The following RHOU variants were observed in gnomAD, a reference collection of about 807,000 sequenced individuals.
RHOU encodes rho-related GTP-binding protein RhoU.
Under a neutral mutation model 12.6 loss-of-function variants are expected in RHOU, and 8 were observed. The observed-to-expected ratio is 0.64, with a 90% CI of 0.37 to 1.15. The LOEUF is 1.15. Among genes scored for constraint, RHOU ranks in the 50% most tolerant of loss-of-function variants. The probability of loss-of-function intolerance (pLI) is 0.01; values close to 1 mark genes in which losing one functional copy is unlikely to be tolerated. For missense variants in RHOU, 258 were observed against 347.0 expected (o/e 0.74, Z 2.04); for synonymous variants, 161 against 147.4 (o/e 1.09, Z -0.67).
the RHOU span, among the ~76,000 whole-genome samples, chr1:228,707,237 A>ATATATATATACATATATATATACATATG: frequency 3.3e-4 from 12 of 36,472 alleles, no homozygotes; most frequent in Admixed American, 1.5e-3. Context: ...ATACATATGT[A>ATATATATATACATATATATATACATATG]TATATATATA....
the RHOU span, among the ~76,000 whole-genome samples, chr1:228,715,285 T>A: frequency 6.6e-6 from 1 of 152,156 alleles, no homozygotes; most frequent in African/African-American, 2.4e-5. Context: ...ATATTTCAAA[T>A]ATCTCATATA....
At chr1:228,736,260 C>CAAAAAAAA (rs1204392489) in intron 1 of RHOU, among the ~76,000 whole-genome samples, 1 of 70,894 alleles carries the variant, frequency 1.4e-5, no homozygotes, top group Admixed American at 1.6e-4. Context: ...AGAGCCTTGC[C>CAAAAAAAA]AAAAAAAAAA....
chr1:228,717,138 T>C, the RHOU span, among the ~76,000 whole-genome samples: 1 of 152,300 alleles, frequency 6.6e-6, no homozygotes, highest in African/African-American at 2.4e-5. Flanking sequence ...TTCGGGCCAC[T>C]GAAACAAAAG....
At chr1:228,691,984 G>A in the RHOU span, among the ~76,000 whole-genome samples, 1 of 152,178 alleles carries the variant, frequency 6.6e-6, no homozygotes, top group Non-Finnish European at 1.5e-5. Flanking sequence ...CAGACTAAAT[G>A]CAATCATGAA....
chr1:228,712,536 C>A, the RHOU span, among the ~76,000 whole-genome samples: 1 of 151,542 alleles, frequency 6.6e-6, no homozygotes, highest in Non-Finnish European at 1.5e-5. Context: ...TGGAAATCAT[C>A]ATTCTCAGTA....
At chr1:228,665,453 A>T in the RHOU span, among the ~76,000 whole-genome samples, 1 of 152,224 alleles carries the variant, frequency 6.6e-6, no homozygotes, top group Non-Finnish European at 1.5e-5. Flanking sequence ...TGGCTGGGTC[A>T]CACATGTCGG....
chr1:228,687,178 G>T, the RHOU span, among the ~76,000 whole-genome samples: 1 of 152,114 alleles, frequency 6.6e-6, no homozygotes, highest in Non-Finnish European at 1.5e-5. Flanking sequence ...TCACTGGCCC[G>T]CTCCACTGAC....
chr1:228,717,368 C>T, the RHOU span, among the ~76,000 whole-genome samples: 7 of 152,172 alleles, frequency 4.6e-5, no homozygotes, highest in Non-Finnish European at 1.0e-4. Context: ...TATTCATAAG[C>T]AACAGATTCT....
At chr1:228,685,611 A>G in the RHOU span, among the ~76,000 whole-genome samples, 1 of 152,328 alleles carries the variant, frequency 6.6e-6, no homozygotes, top group African/African-American at 2.4e-5. Context: ...CTGAGAATTT[A>G]CTGGGGAATT....
Position 228,737,596 on chromosome 1 carries a change from G to A in RHOU, c.263-77G>A. On this transcript the variant is annotated intron_variant, in intron 1 of 2. Coordinates refer to ENST00000366691, the MANE Select transcript of RHOU (RefSeq NM_021205.6). This position sits in a 1 kb window ranked among gnomAD's most constrained non-coding sequence, Gnocchi z 4.1. ...AAAGGGGTTTGGAGTGAGAATGATA[G>A]TGAAAGCTAAAACTATTAGTATTCC... is the stretch of plus-strand genomic sequence containing the variant. The A allele has an allele frequency of 7.3e-7, 1 of 1,372,476 alleles. No individual in the cohort carries two copies. The highest frequency in any genetic ancestry group is 1.0e-6 in the Non-Finnish European group (1 of 961,040). 85.0% of individuals were successfully genotyped at this position (1,372,476 alleles called of 1,614,324 possible). A position where few individuals can be genotyped will look rare whatever the true frequency, so the allele number is the denominator to read the frequency against.
At chr1:228,677,504 C>CT in the RHOU span, among the ~76,000 whole-genome samples, 5,998 of 151,768 alleles carry the variant, frequency 0.04, 325 homozygotes, top group African/African-American at 0.13. Flanking sequence ...CAGTCCCCCC[C>CT]TTTTTTTTAG....
chr1:228,737,824 C>A lies in RHOU; in HGVS notation c.321+93C>A. 7.3e-7 allele frequency: 1 copy of A among 1,362,794 alleles called. No homozygotes were observed. Among genetic ancestry groups the A allele is most frequent in the South Asian group, 1.2e-5 (1 of 83,716 alleles). 84.4% of individuals were successfully genotyped at this position (1,362,794 alleles called of 1,614,324 possible). ...TGATTCCCTCAGTCAGTAACTGGGT[C>A]ATTCTAAAGCCTCATGAAGTGGACC... On this transcript the variant is annotated intron_variant, in intron 2 of 2. Transcript: ENST00000366691. This position sits in a 1 kb window ranked among gnomAD's most constrained non-coding sequence, Gnocchi z 4.1.
At chr1:228,670,667 G>A in the RHOU span, among the ~76,000 whole-genome samples, 3 of 152,100 alleles carry the variant, frequency 2.0e-5, no homozygotes, top group African/African-American at 7.2e-5. Context: ...ATATTGTTTG[G>A]GTCTGTGTCC....
At chr1:228,711,424 A>G in the RHOU span, among the ~76,000 whole-genome samples, 2 of 152,136 alleles carry the variant, frequency 1.3e-5, no homozygotes, top group African/African-American at 2.4e-5. Flanking sequence ...CAAGGCTACA[A>G]TAACCAAAAA....
the RHOU span, among the ~76,000 whole-genome samples, chr1:228,725,586 C>A: frequency 3.9e-5 from 6 of 152,156 alleles, no homozygotes; most frequent in African/African-American, 7.2e-5. Flanking sequence ...GGCTGAGCAC[C>A]GTGGGCAGAA....
rs1164194142 is a variant in RHOU at position 228,744,110 on chromosome 1, G to A, written c.*370G>A. 1 of 198,436 alleles carries A rather than the reference G, an allele frequency of 5.0e-6. No homozygotes were observed. Among genetic ancestry groups the A allele is most frequent in the African/African-American group, 2.4e-5 (1 of 42,072 alleles). 12.3% of individuals were successfully genotyped at this position (198,436 alleles called of 1,614,324 possible). A position where few individuals can be genotyped will look rare whatever the true frequency, so the allele number is the denominator to read the frequency against. On this transcript the variant is annotated 3_prime_UTR_variant, in exon 3 of 3. Transcript: ENST00000366691. ...AAGAGCAAAAGGGAGGAACACTATGGTTAACCCTCTCTTGATTAAGGGCTA... is the reference window on the plus strand; with the variant it reads ...AAGAGCAAAAGGGAGGAACACTATGATTAACCCTCTCTTGATTAAGGGCTA...
At chr1:228,718,433 C>A in the RHOU span, among the ~76,000 whole-genome samples, 1 of 152,070 alleles carries the variant, frequency 6.6e-6, no homozygotes. Flanking sequence ...AATTGGGGAG[C>A]AGTTTAATTG....
the RHOU span, among the ~76,000 whole-genome samples, chr1:228,663,115 G>A: frequency 6.6e-6 from 1 of 152,188 alleles, no homozygotes; most frequent in Non-Finnish European, 1.5e-5. Context: ...TGAAAATTAT[G>A]TGAAATTCAA....
chr1:228,745,074 T>TG lies in RHOU; in HGVS notation c.*1335dup, dbSNP rs1662800147. Reference sequence around the variant, plus strand: ...AGTAGCAGCAGAGGCCAGTGGACTCTGAGGACTCCTGAGGGGCGGGGCGTG... The same window carrying TG: ...AGTAGCAGCAGAGGCCAGTGGACTCTGGAGGACTCCTGAGGGGCGGGGCGTG... On this transcript the variant is annotated 3_prime_UTR_variant, in exon 3 of 3. Coordinates refer to ENST00000366691, the MANE Select transcript of RHOU (RefSeq NM_021205.6). 6.6e-6 allele frequency: 1 copy of TG among 152,202 alleles called. No individual in the cohort carries two copies. Among genetic ancestry groups the TG allele is most frequent in the African/African-American group, 2.4e-5 (1 of 41,438 alleles). 9.4% of individuals were successfully genotyped at this position (152,202 alleles called of 1,614,324 possible). A position where few individuals can be genotyped will look rare whatever the true frequency, so the allele number is the denominator to read the frequency against.
Sources: allele counts gnomAD v4.1 joint callset (sites outside exome capture counted in the v4.1 genomes callset), GRCh38; gene constraint gnomAD v4.1.1; non-coding constraint Gnocchi (gnomAD v3.1); transcripts MANE v1.5; gene names NCBI Gene and HGNC (gene_info 2026-07-23, HGNC 2026-07-21).